Variants in SZRD1 observed in about 807,000 individuals in gnomAD.
The protein encoded by SZRD1 is SUZ RNA-binding domain-containing.
In SZRD1, 7 loss-of-function variants were observed where a neutral mutation model predicts 17.6. The observed-to-expected ratio is 0.40, with a 90% confidence interval of 0.23 to 0.75. The LOEUF (loss-of-function observed/expected upper bound fraction) is 0.75, where lower values mean the gene tolerates loss of function less well. SZRD1 is among the 30% of genes least tolerant of loss of function. The pLI, the probability that SZRD1 is intolerant of heterozygous loss-of-function variation, is 0.38. For missense variants in SZRD1, 178 were observed against 201.8 expected (o/e 0.88, Z 0.71); for synonymous variants, 77 against 77.9 (o/e 0.99, Z 0.06).
intron 1 of SZRD1, among the ~76,000 whole-genome samples, chr1:16,381,719 G>A (rs1217012789): frequency 6.6e-6 from 1 of 151,814 alleles, no homozygotes; most frequent in East Asian, 1.9e-4. Flanking sequence ...ATCACCTAAG[G>A]TCAGGAGTTC....
At chr1:16,369,252 A>G in intron 1 of SZRD1, 1 of 577,308 alleles carries the variant, frequency 1.7e-6, no homozygotes, top group Non-Finnish European at 3.1e-6. Flanking sequence ...CACGTAAATT[A>G]TTCTTCATAT....
chr1:16,378,883 C>T (rs562974973), intron 1 of SZRD1, among the ~76,000 whole-genome samples: 25 of 152,140 alleles, frequency 1.6e-4, no homozygotes, highest in African/African-American at 4.6e-4. Context: ...CGTGCCACCA[C>T]GCCCGGCTAA....
chr1:16,379,183 G>A (rs535188340), intron 1 of SZRD1, among the ~76,000 whole-genome samples: 2 of 151,470 alleles, frequency 1.3e-5, no homozygotes, highest in Non-Finnish European at 3.0e-5. Flanking sequence ...GCAGTGGCAC[G>A]ATCTTGGCTC....
chr1:16,391,518 G>A lies in SZRD1; in HGVS notation c.101+94G>A, dbSNP rs2085222248. 4 of 1,056,906 alleles carry A rather than the reference G, an allele frequency of 3.8e-6. No individual in the cohort carries two copies. Among genetic ancestry groups the A allele is most frequent in the South Asian group, 1.4e-5 (1 of 70,168 alleles). The allele number at this position is 1,056,906 out of a possible 1,614,324, so 65.5% of individuals were successfully genotyped here. A position where few individuals can be genotyped will look rare whatever the true frequency, so the allele number is the denominator to read the frequency against. On this transcript the variant is annotated intron_variant, in intron 2 of 3. Coordinates refer to ENST00000401088, the MANE Select transcript of SZRD1 (RefSeq NM_001114600.3). The surrounding 1 kb of genome is among the most constrained non-coding windows in gnomAD (Gnocchi z 4.3). ...CTCCAGCTGGCCATTAGGATTAGCA[G>A]GTCCTAGCAGGTCAGGCTCTGGGGC...
chr1:16,380,485 G>C (rs1353766502), intron 1 of SZRD1, among the ~76,000 whole-genome samples: 1 of 150,590 alleles, frequency 6.6e-6, no homozygotes, highest in Non-Finnish European at 1.5e-5. Flanking sequence ...TTTTTTTTGA[G>C]ATGGAGTTTC....
intron 1 of SZRD1, among the ~76,000 whole-genome samples, chr1:16,381,142 T>C (rs987252956): frequency 4.0e-5 from 6 of 150,244 alleles, no homozygotes; most frequent in Non-Finnish European, 8.9e-5. Context: ...TAATCCCAGC[T>C]GCTCAGGAGG....
chr1:16,393,175 G>A lies in SZRD1; in HGVS notation c.102-53G>A. The A allele has an allele frequency of 6.3e-7, 1 of 1,593,834 alleles. No homozygotes were observed. The highest frequency in any genetic ancestry group is 8.6e-7 in the Non-Finnish European group (1 of 1,166,366). On this transcript the variant is annotated intron_variant, in intron 2 of 3. Coordinates refer to ENST00000401088, the MANE Select transcript of SZRD1 (RefSeq NM_001114600.3). This position sits in a 1 kb window ranked among gnomAD's most constrained non-coding sequence, Gnocchi z 5.6. ...GAGAGGTGGGTGTGGGACATGGACA[G>A]GGCCTCCTTAGTCAGGAGCATGATT...
At position 16,391,018 on chromosome 1, in the gene SZRD1, C is replaced by G. The variant is rs1418722351; in HGVS notation, c.52-357C>G. ...TCAGATTTATGTTTAATTTTTTTTC[C>G]AACTCTTTATTTCATAAAATAGAGT... On this transcript the variant is annotated intron_variant, in intron 1 of 3. Coordinates refer to ENST00000401088, the MANE Select transcript of SZRD1 (RefSeq NM_001114600.3). The surrounding 1 kb of genome is among the most constrained non-coding windows in gnomAD (Gnocchi z 4.3). Among the ~76,000 whole-genome samples, 1 of 151,994 alleles carries G rather than the reference C, an allele frequency of 6.6e-6. No individual in the cohort carries two copies. Among genetic ancestry groups the G allele is most frequent in the African/African-American group, 2.4e-5 (1 of 41,386 alleles).
At chr1:16,390,225 G>A (rs560956086) in intron 1 of SZRD1, among the ~76,000 whole-genome samples, 99 of 152,342 alleles carry the variant, frequency 6.5e-4, no homozygotes, top group African/African-American at 2.3e-3. Flanking sequence ...AGCAGCCTGG[G>A]GGTTTGGTCT....
At chr1:16,385,937 T>C (rs1273137713) in intron 1 of SZRD1, among the ~76,000 whole-genome samples, 1 of 152,204 alleles carries the variant, frequency 6.6e-6, no homozygotes, top group Non-Finnish European at 1.5e-5. Flanking sequence ...CTCCCCACTG[T>C]GCTTCTTCAT....
At chr1:16,388,678 C>CTTTT (rs950662267) in intron 1 of SZRD1, among the ~76,000 whole-genome samples, 61 of 92,198 alleles carry the variant, frequency 6.6e-4, no homozygotes, top group East Asian at 9.4e-4. Flanking sequence ...AAGAATAAGT[C>CTTTT]TTTTTTTTTT....
chr1:16,380,562 G>A (rs973613833), intron 1 of SZRD1, among the ~76,000 whole-genome samples: 6 of 151,872 alleles, frequency 4.0e-5, no homozygotes, highest in African/African-American at 1.2e-4. Context: ...TCCACCTCCC[G>A]GGTTCAAGCG....
chr1:16,371,383 T>TCTCCC (rs1185430732), intron 1 of SZRD1, among the ~76,000 whole-genome samples: 11 of 147,176 alleles, frequency 7.5e-5, no homozygotes, highest in African/African-American at 1.5e-4. Context: ...ATGTAGAATT[T>TCTCCC]CTCCCCTCCC....
chr1:16,393,528 AC>A lies in SZRD1; in HGVS notation c.356+49del. 6.4e-7 allele frequency: 1 copy of A among 1,556,392 alleles called. No individual in the cohort carries two copies. Among genetic ancestry groups the A allele is most frequent in the Non-Finnish European group, 8.7e-7 (1 of 1,152,766 alleles). On this transcript the variant is annotated intron_variant, in intron 3 of 3. Coordinates refer to ENST00000401088, the MANE Select transcript of SZRD1 (RefSeq NM_001114600.3). The surrounding 1 kb of genome is among the most constrained non-coding windows in gnomAD (Gnocchi z 5.6). ...CGGCCAGTGATGGCTGTCCCAGTCC[AC>A]CCGGGAAGAGGAGAGCATCCTGGCT...
chr1:16,392,737 C>T (rs2085238961), intron 2 of SZRD1, among the ~76,000 whole-genome samples: 1 of 152,038 alleles, frequency 6.6e-6, no homozygotes, highest in East Asian at 1.9e-4. Context: ...GTAGTGGGCT[C>T]CTTTGTAGTG....
chr1:16,379,762 T>TG (rs751246985), intron 1 of SZRD1, among the ~76,000 whole-genome samples: 1 of 78,028 alleles, frequency 1.3e-5, no homozygotes, highest in Non-Finnish European at 3.7e-5. Context: ...GATTTGGGGT[T>TG]TTTTTTTTTT....
At position 16,397,865 on chromosome 1, in the gene SZRD1, C is replaced by T. The variant is rs917143017; in HGVS notation, c.*2725C>T. 6 of 380,590 alleles carry T rather than the reference C, an allele frequency of 1.6e-5. No homozygotes were observed. Among genetic ancestry groups the T allele is most frequent in the Non-Finnish European group, 1.8e-5 (5 of 277,042 alleles). 23.6% of individuals were successfully genotyped at this position (380,590 alleles called of 1,614,324 possible). On this transcript the variant is annotated 3_prime_UTR_variant, in exon 4 of 4. Coordinates refer to ENST00000401088, the MANE Select transcript of SZRD1 (RefSeq NM_001114600.3). This position sits in a 1 kb window ranked among gnomAD's most constrained non-coding sequence, Gnocchi z 5.4. ...CTGCCCCATCTGGGGGTGCCCTGCT[C>T]AGGGATGGGCTGGCAGGGCTGTACC...
At chr1:16,373,429 A>T (rs901923100) in intron 1 of SZRD1, among the ~76,000 whole-genome samples, 51 of 151,018 alleles carry the variant, frequency 3.4e-4, no homozygotes, top group Non-Finnish European at 6.5e-4. Context: ...AAAATACAAA[A>T]TTAGCCAGGT....
At chr1:16,382,587 C>T (rs112822695) in intron 1 of SZRD1, among the ~76,000 whole-genome samples, 12,078 of 151,810 alleles carry the variant, frequency 0.08, 690 homozygotes, top group East Asian at 0.15. Flanking sequence ...CTCCCCCTCC[C>T]GAGTTCAAGC....
Sources: allele counts gnomAD v4.1 joint callset (sites outside exome capture counted in the v4.1 genomes callset), GRCh38; gene constraint gnomAD v4.1.1; non-coding constraint Gnocchi (gnomAD v3.1); transcripts MANE v1.5; gene names NCBI Gene and HGNC (gene_info 2026-07-23, HGNC 2026-07-21).